ABCC9: variants seen among roughly 807,000 people sequenced by gnomAD.
The protein encoded by ABCC9 is ATP-binding cassette sub-family C member 9.
In ABCC9, 95 loss-of-function variants were observed where a neutral mutation model predicts 188.3. The ratio of observed to expected loss-of-function variants is 0.50; its 90% CI spans 0.43 to 0.60. The LOEUF (loss-of-function observed/expected upper bound fraction) is 0.60. ABCC9 is among the 20% of genes least tolerant of loss of function. The pLI is 0.00. For missense variants in ABCC9, 1,102 were observed against 1,876.3 expected (o/e 0.59, Z 7.62); for synonymous variants, 659 against 652.7 (o/e 1.01, Z -0.15).
At chr12:21,878,202 T>A (rs776086975) in intron 16 of ABCC9, among the ~76,000 whole-genome samples, 1 of 152,140 alleles carries the variant, frequency 6.6e-6, no homozygotes, top group Non-Finnish European at 1.5e-5. Flanking sequence ...TAATTTCTAA[T>A]TAAAATAAAA....
Position 21,798,719 on chromosome 12 carries a change from C to T in ABCC9, c.*2325G>A, listed in dbSNP as rs1332208625. ...CCTCAGGGATCTAGAACTAGAAATA[C>T]CATTTGACCCAGCCATCCCATTACT... On this transcript the variant is annotated 3_prime_UTR_variant, in exon 40 of 40. Coordinates refer to ENST00000261200, the MANE Select transcript of ABCC9 (RefSeq NM_020297.4). 1 of 151,398 alleles carries T rather than the reference C, an allele frequency of 6.6e-6. No individual in the cohort carries two copies. Among genetic ancestry groups the T allele is most frequent in the Non-Finnish European group, 1.5e-5 (1 of 67,916 alleles). 9.4% of individuals were successfully genotyped at this position (151,398 alleles called of 1,614,324 possible).
intron 28 of ABCC9, among the ~76,000 whole-genome samples, chr12:21,843,639 G>A (rs1944497581): frequency 6.6e-6 from 1 of 152,034 alleles, no homozygotes; most frequent in Non-Finnish European, 1.5e-5. Flanking sequence ...TTTCTAATTG[G>A]TTATTTTACT....
chr12:21,882,245 C>A (rs971549999), intron 16 of ABCC9, among the ~76,000 whole-genome samples: 1 of 152,090 alleles, frequency 6.6e-6, no homozygotes, highest in South Asian at 2.1e-4. Context: ...ACTGATTACT[C>A]CCTTTTATCC....
chr12:21,925,828 T>C, intron 5 of ABCC9, 114 bp downstream of exon 5: 1 of 1,182,624 alleles, frequency 8.5e-7, no homozygotes, highest in Non-Finnish European at 1.2e-6. Flanking sequence ...TTCCCATACT[T>C]TCTACTCCCC....
At position 21,797,675 on chromosome 12, in the gene ABCC9, A is replaced by G. The variant is rs936434848; in HGVS notation, c.*3369T>C. On this transcript the variant is annotated 3_prime_UTR_variant, in exon 40 of 40. Transcript: ENST00000261200. Reference sequence around the variant, plus strand: ...GACATGGTCCCGAATCTCAGTTATCAGTTACTTAGAGGGTCTTCTGGTATC... The same window carrying G: ...GACATGGTCCCGAATCTCAGTTATCGGTTACTTAGAGGGTCTTCTGGTATC... The G allele has an allele frequency of 1.3e-5, 2 of 152,276 alleles. No individual in the cohort carries two copies. Among genetic ancestry groups the G allele is most frequent in the East Asian group, 1.9e-4 (1 of 5,186 alleles). The allele number at this position is 152,276 out of a possible 1,614,324, so 9.4% of individuals were successfully genotyped here. A position where few individuals can be genotyped will look rare whatever the true frequency, so the allele number is the denominator to read the frequency against.
intron 38 of ABCC9, among the ~76,000 whole-genome samples, chr12:21,806,359 T>C (rs1236970953): frequency 6.6e-6 from 1 of 152,220 alleles, no homozygotes; most frequent in Non-Finnish European, 1.5e-5. Flanking sequence ...ACTTGAGTTA[T>C]ACCACAAAAA....
chr12:21,865,439 T>TA (rs1006947103), intron 18 of ABCC9, among the ~76,000 whole-genome samples: 5 of 152,142 alleles, frequency 3.3e-5, no homozygotes, highest in African/African-American at 7.2e-5. Context: ...AAGTTACTGA[T>TA]AAAAAATAGG....
chr12:21,819,876 G>A (rs1942927308), intron 31 of ABCC9, among the ~76,000 whole-genome samples: 1 of 152,062 alleles, frequency 6.6e-6, no homozygotes, highest in East Asian at 1.9e-4. Context: ...ATTCCACAGA[G>A]GTAGTAAATA....
chr12:21,927,760 A>G (rs1949098714), intron 4 of ABCC9, among the ~76,000 whole-genome samples: 1 of 152,246 alleles, frequency 6.6e-6, no homozygotes, highest in Non-Finnish European at 1.5e-5. Context: ...ATTTGGAATC[A>G]TTAATATAGA....
At position 21,845,669 on chromosome 12, in the gene ABCC9, A is replaced by G. The variant is rs76102634; in HGVS notation, c.3030T>C (p.Ala1010=). 113 of 1,613,910 alleles carry G rather than the reference A, an allele frequency of 7.0e-5. 1 individual carries two copies. The African/African-American group carries it at 1.3e-3, about 18-fold the overall frequency. The part of the protein sequence containing the change: ...SKLLKHSVIV[A]IDYWLATWTS... ...TCCATGTGGCCAGCCAATAGTCTAT[A>G]GCTACAATGACCGAATGCTTCAAAA... is the stretch of plus-strand genomic sequence containing the variant. The change falls in exon 26 of 40, where the codon GCT becomes GCC. Residue 1010 remains alanine (A), a synonymous_variant. Coordinates refer to ENST00000261200, the MANE Select transcript of ABCC9 (RefSeq NM_020297.4).
chr12:21,903,293 G>C (rs1947863326), intron 12 of ABCC9, among the ~76,000 whole-genome samples: 1 of 152,106 alleles, frequency 6.6e-6, no homozygotes, highest in African/African-American at 2.4e-5. Context: ...AATAATAAGA[G>C]CTATTTATGA....
intron 14 of ABCC9, among the ~76,000 whole-genome samples, chr12:21,889,056 C>T (rs564462871): frequency 6.6e-6 from 1 of 152,212 alleles, no homozygotes; most frequent in African/African-American, 2.4e-5. Context: ...CCAGACAAGT[C>T]TTCAGAACTT....
intron 31 of ABCC9, 91 bp downstream of exon 31, chr12:21,828,867 A>ACC: frequency 9.8e-7 from 1 of 1,015,532 alleles, no homozygotes; most frequent in Non-Finnish European, 1.6e-6. Flanking sequence ...GCCGAATCTC[A>ACC]GTGGAATACT....
In ABCC9 at chr12:21,805,998, A is replaced by G; in HGVS notation, c.4512T>C (p.Ala1504=). Reference sequence around the variant, plus strand: ...ACCAACTCCGTCTTCTCATACTTACAGCTATTGTCACCACGGTCCGGTCTG... The same window carrying G: ...ACCAACTCCGTCTTCTCATACTTACGGCTATTGTCACCACGGTCCGGTCTG... ...AFADRTVVTI[A]HRVHTILTAD... The change falls in exon 39 of 40, where the codon GCT becomes GCC. Residue 1504 remains alanine, a splice_region_variant and synonymous_variant. Transcript: ENST00000261200. 6.2e-7 allele frequency: 1 copy of G among 1,613,794 alleles called. No individual in the cohort carries two copies.
chr12:21,807,891 T>C (rs1941965965), intron 37 of ABCC9, among the ~76,000 whole-genome samples: 1 of 152,180 alleles, frequency 6.6e-6, no homozygotes, highest in African/African-American at 2.4e-5. Flanking sequence ...CCACTTCTCT[T>C]TTCATTATAC....
chr12:21,827,209 G>T, intron 31 of ABCC9: 1 of 985,350 alleles, frequency 1.0e-6, no homozygotes, highest in African/African-American at 1.7e-5. Context: ...TTTCTTGGCA[G>T]TCTTAAGGCT....
chr12:21,888,029 GTGAGTAGGATGC>G, intron 14 of ABCC9, 95 bp from the exon 15 acceptor site: 1 of 914,976 alleles, frequency 1.1e-6, no homozygotes, highest in Non-Finnish European at 1.8e-6. Flanking sequence ...CAGTATTATG[GTGAGTAGGATGC>G]CTGTGAGAGT....
chr12:21,896,303 A>C (rs989449283), intron 12 of ABCC9, among the ~76,000 whole-genome samples: 2 of 152,104 alleles, frequency 1.3e-5, no homozygotes, highest in Admixed American at 1.3e-4. Context: ...GTGCTTTTGC[A>C]AGTCCAGATA....
intron 4 of ABCC9, among the ~76,000 whole-genome samples, chr12:21,930,904 G>C (rs1180130229): frequency 6.6e-6 from 1 of 152,126 alleles, no homozygotes; most frequent in Non-Finnish European, 1.5e-5. Flanking sequence ...ATATGTGGGG[G>C]AAAGATGTAT....
Sources: allele counts gnomAD v4.1 joint callset (sites outside exome capture counted in the v4.1 genomes callset), GRCh38; gene constraint gnomAD v4.1.1; transcripts MANE v1.5; gene names NCBI Gene and HGNC (gene_info 2026-07-23, HGNC 2026-07-21).